The following ARHGEF4 variants were observed in gnomAD, a reference collection of about 807,000 sequenced individuals.
ARHGEF4 encodes the protein Rho guanine nucleotide exchange factor 4, also known as APC-stimulated guanine nucleotide exchange factor 1.
A neutral mutation model predicts 162.0 loss-of-function variants in ARHGEF4; 119 were observed. That is an observed-to-expected ratio of 0.73 (90% CI 0.63 to 0.86). ARHGEF4 has a LOEUF of 0.86. Among genes scored for constraint, ARHGEF4 ranks in the 40% least tolerant of loss-of-function variants. The pLI is 0.00. For missense variants in ARHGEF4, 2,488 were observed against 2,456.0 expected (o/e 1.01, Z -0.28); for synonymous variants, 1,014 against 979.9 (o/e 1.03, Z -0.65).
At chr2:131,033,762 G>A (rs527404670) in intron 5 of ARHGEF4, among the ~76,000 whole-genome samples, 6 of 152,218 alleles carry the variant, frequency 3.9e-5, no homozygotes, top group South Asian at 2.1e-4. Flanking sequence ...TACACCAGGC[G>A]GATGGGCCCA....
intron 12 of ARHGEF4, 144 bp from the exon 13 acceptor site, chr2:131,045,225 G>A (rs1691144052): frequency 1.3e-6 from 1 of 773,718 alleles, no homozygotes; most frequent in East Asian, 2.7e-5. Context: ...TGACTGTGCA[G>A]AATGGGCAAC....
At chr2:131,017,402 C>G (rs1228110774) in intron 4 of ARHGEF4, among the ~76,000 whole-genome samples, 1 of 152,216 alleles carries the variant, frequency 6.6e-6, no homozygotes, top group East Asian at 1.9e-4. Context: ...CCTCAGGAAA[C>G]ACCTCCTCAA....
intron 5 of ARHGEF4, chr2:131,035,960 G>T (rs947457929): frequency 1.4e-6 from 1 of 703,700 alleles, no homozygotes; most frequent in Non-Finnish European, 1.7e-6. Flanking sequence ...CCCGCTCCCT[G>T]CCCTGGGCTA....
chr2:130,959,066 C>G (rs548435169), intron 4 of ARHGEF4, among the ~76,000 whole-genome samples: 1 of 151,888 alleles, frequency 6.6e-6, no homozygotes, highest in Non-Finnish European at 1.5e-5. Flanking sequence ...CTCAGCCTCC[C>G]GAGTAGCTGG....
At chr2:131,009,775 T>C (rs75313162) in intron 4 of ARHGEF4, among the ~76,000 whole-genome samples, 2,708 of 152,358 alleles carry the variant, frequency 0.018, 77 homozygotes, top group African/African-American at 0.062. Context: ...TTTTTGAGCA[T>C]TATTATAATA....
In ARHGEF4 at chr2:130,915,952, G is replaced by A; in HGVS notation, c.2006G>A (p.Ser669Asn). The stretch of plus-strand genomic sequence containing the variant: ...AAGGAAAGACCAGAATCTCCCTTGA[G>A]CACTGGCGAGACCCCCTGTGAGTCT... ...FPKERPESPL[S>N]TGETPCESPT... The change falls in exon 2 of 14, where the codon AGC becomes AAC. Residue 669 changes from serine to asparagine, a missense_variant. Physicochemically the swap from Ser to Asn is conservative, Grantham distance 46 (BLOSUM62 1). Around this residue, in one of 6 missense-constraint regions of ARHGEF4, gnomAD observed 1,642 missense variants for 1,481.5 expected, o/e 1.11. Transcript: ENST00000409359. 6.4e-7 allele frequency: 1 copy of A among 1,550,580 alleles called. No individual in the cohort carries two copies. Among genetic ancestry groups the A allele is most frequent in the Non-Finnish European group, 8.7e-7 (1 of 1,146,988 alleles).
chr2:130,931,299 A>G (rs1682618144), intron 3 of ARHGEF4, 42 bp downstream of exon 3: 2 of 1,532,254 alleles, frequency 1.3e-6, no homozygotes, highest in Non-Finnish European at 1.8e-6. Flanking sequence ...TTGGTCTGGT[A>G]TCCCCTTCTC....
chr2:131,013,633 C>T (rs1020311277), intron 4 of ARHGEF4, among the ~76,000 whole-genome samples: 1 of 152,206 alleles, frequency 6.6e-6, no homozygotes, highest in Non-Finnish European at 1.5e-5. Flanking sequence ...CGGAGTCTTG[C>T]TCTGTTGCCC....
At chr2:130,856,167 T>C (rs1681769569) in intron 1 of ARHGEF4, among the ~76,000 whole-genome samples, 1 of 152,196 alleles carries the variant, frequency 6.6e-6, no homozygotes, top group Non-Finnish European at 1.5e-5. Context: ...TTCAAATACA[T>C]AATATTGTTA....
At chr2:130,925,152 T>C (rs1477234490) in intron 2 of ARHGEF4, among the ~76,000 whole-genome samples, 1 of 151,838 alleles carries the variant, frequency 6.6e-6, no homozygotes, top group Non-Finnish European at 1.5e-5. Context: ...AAAATTTGTA[T>C]GGAGAGATAC....
At position 130,981,707 on chromosome 2, in the gene ARHGEF4, C is replaced by T. The variant is rs181858577; in HGVS notation, c.3985+35072C>T. Among the ~76,000 whole-genome samples, 386 of 151,378 alleles carry T rather than the reference C, an allele frequency of 2.5e-3. 2 individuals carry two copies. Among genetic ancestry groups the T allele is most frequent in the African/African-American group, 9.0e-3 (369 of 41,218 alleles). On this transcript the variant is annotated intron_variant, in intron 4 of 13. Transcript: ENST00000409359. ...GAAGTAAAAACAAACAGGAAACAGA[C>T]CCCCCATTCTTTTCCCCACTCAGTT...
intron 4 of ARHGEF4, among the ~76,000 whole-genome samples, 186 bp from the exon 5 acceptor site, chr2:131,027,759 G>C (rs1205564874): frequency 6.6e-6 from 1 of 152,138 alleles, no homozygotes; most frequent in African/African-American, 2.4e-5. Flanking sequence ...GAGTGAGTTG[G>C]TGCATTCTTT....
At chr2:130,911,436 C>T (rs1203876114) in intron 1 of ARHGEF4, among the ~76,000 whole-genome samples, 1 of 152,210 alleles carries the variant, frequency 6.6e-6, no homozygotes, top group African/African-American at 2.4e-5. Context: ...AGCCCCAGGC[C>T]ATTCCCAGGA....
chr2:130,847,979 T>C (rs1681115653), intron 1 of ARHGEF4, among the ~76,000 whole-genome samples: 1 of 152,204 alleles, frequency 6.6e-6, no homozygotes, highest in South Asian at 2.1e-4. Flanking sequence ...TGGGCGAAGC[T>C]GACCTGCTGA....
intron 4 of ARHGEF4, among the ~76,000 whole-genome samples, chr2:130,961,186 C>T (rs1684600863): frequency 6.6e-6 from 1 of 152,228 alleles, no homozygotes; most frequent in Admixed American, 6.5e-5. Context: ...AGCATGGAGC[C>T]TGCAGCAGGT....
At chr2:131,042,547 T>TC (rs1385133227) in intron 10 of ARHGEF4, among the ~76,000 whole-genome samples, 2 of 151,968 alleles carry the variant, frequency 1.3e-5, no homozygotes, top group Non-Finnish European at 2.9e-5. Context: ...GCACCAGCTG[T>TC]CAGCGAGAGA....
intron 4 of ARHGEF4, among the ~76,000 whole-genome samples, chr2:130,992,170 C>T (rs1476087531): frequency 6.6e-6 from 1 of 152,064 alleles, no homozygotes; most frequent in Non-Finnish European, 1.5e-5. Flanking sequence ...GGATTGTAAA[C>T]GCACCAATCA....
At chr2:131,019,869 C>T (rs7419360) in intron 4 of ARHGEF4, among the ~76,000 whole-genome samples, 151,313 of 152,250 alleles carry the variant, frequency 0.99, 75,194 homozygotes, top group Middle Eastern at 1. Context: ...TTCCTGACCT[C>T]GTGATCCGCC....
chr2:130,921,190 T>C (rs986364065), intron 2 of ARHGEF4, among the ~76,000 whole-genome samples: 2 of 152,222 alleles, frequency 1.3e-5, no homozygotes, highest in African/African-American at 4.8e-5. Flanking sequence ...GTGTCTGCCT[T>C]CCCCTGCTCT....
Sources: allele counts gnomAD v4.1 joint callset (sites outside exome capture counted in the v4.1 genomes callset), GRCh38; gene constraint gnomAD v4.1.1; regional missense constraint gnomAD v4.1.1; transcripts MANE v1.5; gene names NCBI Gene and HGNC (gene_info 2026-07-23, HGNC 2026-07-21).